DGKI: variants seen among roughly 807,000 people sequenced by gnomAD.
DGKI encodes diacylglycerol kinase iota, also known as DAG kinase iota.
In DGKI, 55 loss-of-function variants were observed where a neutral mutation model predicts 147.5. The observed-to-expected ratio is 0.37, with a 90% CI of 0.30 to 0.47. DGKI has a LOEUF of 0.47. Ranked by LOEUF, DGKI falls within the 20% of genes least tolerant of loss-of-function variation. DGKI has a pLI of 1.00. For missense variants in DGKI, 1,007 were observed against 1,323.8 expected (o/e 0.76, Z 3.71); for synonymous variants, 469 against 477.1 (o/e 0.98, Z 0.22).
rs563105162 is a variant in DGKI, at chr7:137,385,273, C to T, written c.*5947G>A. 10 of 152,088 alleles carry T rather than the reference C, an allele frequency of 6.6e-5. No individual in the cohort carries two copies. Among genetic ancestry groups the T allele is most frequent in the Non-Finnish European group, 8.8e-5 (6 of 67,944 alleles). The allele number at this position is 152,088 out of a possible 1,614,324, so 9.4% of individuals were successfully genotyped here. A position where few individuals can be genotyped will look rare whatever the true frequency, so the allele number is the denominator to read the frequency against. On this transcript the variant is annotated 3_prime_UTR_variant, in exon 33 of 33. Transcript: ENST00000614521. ...TTAAAATTTTTTAAATGATAACTAA[C>T]GGCCATTCCCCTAGATATTTTTAAA...
intron 28 of DGKI, among the ~76,000 whole-genome samples, chr7:137,438,921 G>A (rs1813386714): frequency 6.6e-6 from 1 of 152,062 alleles, no homozygotes; most frequent in African/African-American, 2.4e-5. Flanking sequence ...ACATATATGA[G>A]TTATATATCC....
In DGKI at chr7:137,381,430, A is replaced by G. The variant is rs1408951508; in HGVS notation, c.*9790T>C. The stretch of plus-strand genomic sequence containing the variant: ...TGCCAGCTGGCAGCTTTGCAAAAGC[A>G]TGGCTCTGGGATGTGATAGGGCAGA... On this transcript the variant is annotated 3_prime_UTR_variant, in exon 33 of 33. Transcript: ENST00000614521. 6.6e-6 allele frequency: 1 copy of G among 151,576 alleles called. No homozygotes were observed. The highest frequency in any genetic ancestry group is 2.4e-5 in the African/African-American group (1 of 41,298). 9.4% of individuals were successfully genotyped at this position (151,576 alleles called of 1,614,324 possible).
At chr7:137,535,510 T>C (rs1463167651) in intron 20 of DGKI, among the ~76,000 whole-genome samples, 3 of 152,040 alleles carry the variant, frequency 2.0e-5, no homozygotes, top group Admixed American at 2.0e-4. Flanking sequence ...GCACATGTAC[T>C]ACCCCCAAAC....
intron 5 of DGKI, among the ~76,000 whole-genome samples, chr7:137,647,281 T>A (rs1353864642): frequency 1.3e-5 from 2 of 152,196 alleles, no homozygotes; most frequent in Non-Finnish European, 2.9e-5. Flanking sequence ...ATATGTTGAT[T>A]GGGAAATTGC....
chr7:137,529,624 T>C (rs1241704741), intron 20 of DGKI, among the ~76,000 whole-genome samples: 1 of 152,166 alleles, frequency 6.6e-6, no homozygotes, highest in African/African-American at 2.4e-5. Flanking sequence ...TAAAGGAAAA[T>C]AGACATACTA....
chr7:137,767,528 A>AAGAGAAGAGAAGAGAAGAGT (rs1563188462), intron 1 of DGKI, among the ~76,000 whole-genome samples: 5 of 139,270 alleles, frequency 3.6e-5, no homozygotes, highest in African/African-American at 8.4e-5. Context: ...AAGAGAAGAG[A>AAGAGAAGAGAAGAGAAGAGT]AGAGTAGAGT....
intron 21 of DGKI, among the ~76,000 whole-genome samples, chr7:137,513,407 T>C (rs936310995): frequency 3.3e-5 from 5 of 152,218 alleles, no homozygotes; most frequent in African/African-American, 1.2e-4. Context: ...CATACACACT[T>C]GCTGTATTAT....
intron 1 of DGKI, among the ~76,000 whole-genome samples, chr7:137,834,370 A>G (rs1798303210): frequency 6.6e-6 from 1 of 152,212 alleles, no homozygotes; most frequent in Admixed American, 6.5e-5. Flanking sequence ...AAAGTGCATG[A>G]TGAAACATAT....
intron 3 of DGKI, among the ~76,000 whole-genome samples, chr7:137,658,414 G>A (rs762420516): frequency 6.6e-6 from 1 of 152,116 alleles, no homozygotes; most frequent in African/African-American, 2.4e-5. Context: ...GAGTTATAGC[G>A]ACACAAAGGA....
intron 1 of DGKI, among the ~76,000 whole-genome samples, chr7:137,825,893 C>T (rs1331095811): frequency 1.3e-5 from 2 of 152,040 alleles, no homozygotes; most frequent in East Asian, 3.9e-4. Flanking sequence ...CACTTTTTTT[C>T]ATTTAAAATA....
At chr7:137,761,876 G>A (rs1384164692) in intron 1 of DGKI, among the ~76,000 whole-genome samples, 1 of 152,020 alleles carries the variant, frequency 6.6e-6, no homozygotes, top group Non-Finnish European at 1.5e-5. Flanking sequence ...AACTCAACTT[G>A]ACCGAAGCAA....
At chr7:137,816,002 A>C (rs1797725728) in intron 1 of DGKI, among the ~76,000 whole-genome samples, 2 of 152,150 alleles carry the variant, frequency 1.3e-5, no homozygotes. Context: ...TCCCATTACA[A>C]ATTCCACACT....
intron 19 of DGKI, among the ~76,000 whole-genome samples, chr7:137,562,737 C>CTTTA (rs1818458801): frequency 6.6e-6 from 1 of 152,044 alleles, no homozygotes. Flanking sequence ...ATAAAGTTGA[C>CTTTA]TCAAGAAGAA....
chr7:137,828,335 C>A (rs998948395), intron 1 of DGKI, among the ~76,000 whole-genome samples: 1 of 152,144 alleles, frequency 6.6e-6, no homozygotes, highest in Non-Finnish European at 1.5e-5. Context: ...AATTAGTATT[C>A]CATATCTATT....
intron 15 of DGKI, among the ~76,000 whole-genome samples, chr7:137,580,502 G>C (rs1168241704): frequency 6.6e-6 from 1 of 152,002 alleles, no homozygotes; most frequent in Non-Finnish European, 1.5e-5. Context: ...GATTTTTCTG[G>C]CCAATCAGAG....
intron 6 of DGKI, among the ~76,000 whole-genome samples, chr7:137,628,437 A>G (rs1024540075): frequency 6.6e-6 from 1 of 152,224 alleles, no homozygotes; most frequent in African/African-American, 2.4e-5. Flanking sequence ...AATAGAGCAC[A>G]TCAGAGCCTT....
intron 23 of DGKI, among the ~76,000 whole-genome samples, chr7:137,482,625 C>T (rs1815411572): frequency 6.6e-6 from 1 of 151,986 alleles, no homozygotes; most frequent in South Asian, 2.1e-4. Context: ...CCAACTCATT[C>T]CTCCTTTGAT....
At chr7:137,594,095 G>T (rs1372511260) in intron 12 of DGKI, among the ~76,000 whole-genome samples, 1 of 152,138 alleles carries the variant, frequency 6.6e-6, no homozygotes, top group Non-Finnish European at 1.5e-5. Context: ...CACCCAGGCT[G>T]GAGTGCAGTA....
At chr7:137,421,712 C>T (rs769527532) in intron 28 of DGKI, among the ~76,000 whole-genome samples, 2 of 152,224 alleles carry the variant, frequency 1.3e-5, no homozygotes, top group Non-Finnish European at 2.9e-5. Context: ...TCCACTTCTG[C>T]GATTAAGTCA....
Sources: gnomAD v4.1 joint callset for allele counts (sites outside exome capture counted in the v4.1 genomes callset) on GRCh38, gnomAD v4.1.1 for gene constraint, MANE v1.5 for transcripts, NCBI Gene and HGNC (gene_info 2026-07-23, HGNC 2026-07-21) for gene names.